Variants in HVCN1 observed in about 807,000 individuals in gnomAD.
The protein encoded by HVCN1 is voltage-gated hydrogen channel 1.
HVCN1 carries 14 observed loss-of-function variants against 29.2 expected under a neutral mutation model. The ratio of observed to expected loss-of-function variants is 0.48; its 90% CI spans 0.32 to 0.75. The LOEUF (loss-of-function observed/expected upper bound fraction) is 0.75, where lower values mean the gene tolerates loss of function less well. Among genes scored for constraint, HVCN1 ranks in the 30% least tolerant of loss-of-function variants. The probability of loss-of-function intolerance (pLI) is 0.04; values close to 1 mark genes in which losing one functional copy is unlikely to be tolerated. For synonymous variants in HVCN1, 131 were observed against 133.2 expected, an observed-to-expected ratio of 0.98 and a Z score of 0.11; for missense variants, 263 against 341.8, an observed-to-expected ratio of 0.77 and a Z score of 1.82.
At chr12:110,696,794 G>T (rs2069499795) in intron 2 of HVCN1, among the ~76,000 whole-genome samples, 2 of 152,002 alleles carry the variant, frequency 1.3e-5, no homozygotes, top group African/African-American at 4.8e-5. Context: ...CACTATATGG[G>T]TCTACCACAT....
intron 2 of HVCN1, among the ~76,000 whole-genome samples, chr12:110,696,470 C>A (rs2136507750): frequency 6.6e-6 from 1 of 152,056 alleles, no homozygotes; most frequent in East Asian, 1.9e-4. Context: ...ATCCCAATCA[C>A]TTTGGAGGCT....
chr12:110,650,695 G>GTTTT (rs63680261), intron 6 of HVCN1, among the ~76,000 whole-genome samples: 4 of 129,512 alleles, frequency 3.1e-5, no homozygotes, highest in Non-Finnish European at 4.8e-5. Flanking sequence ...CAAGAGTCCA[G>GTTTT]TTTTTTTTTT....
intron 3 of HVCN1, among the ~76,000 whole-genome samples, chr12:110,666,853 C>T (rs1381165883): frequency 6.6e-6 from 1 of 152,216 alleles, no homozygotes; most frequent in African/African-American, 2.4e-5. Context: ...ACTTTTCCTT[C>T]GAGAGCCCTC....
At chr12:110,680,429 G>T (rs775150081) in intron 3 of HVCN1, among the ~76,000 whole-genome samples, 4 of 151,806 alleles carry the variant, frequency 2.6e-5, no homozygotes, top group Non-Finnish European at 5.9e-5. Context: ...AGACTCAAAT[G>T]CATACCCCCA....
chr12:110,671,258 C>G (rs1422858465), intron 3 of HVCN1, among the ~76,000 whole-genome samples: 1 of 152,080 alleles, frequency 6.6e-6, no homozygotes, highest in Non-Finnish European at 1.5e-5. Flanking sequence ...ACTCGAGAGG[C>G]TGCAGTGAGC....
chr12:110,649,805 G>A (rs1336811564), intron 7 of HVCN1, among the ~76,000 whole-genome samples: 2 of 152,304 alleles, frequency 1.3e-5, no homozygotes, highest in East Asian at 1.9e-4. Context: ...CATGAGCAGC[G>A]CTCTGCTGCA....
At chr12:110,669,096 T>A (rs2068477954) in intron 3 of HVCN1, among the ~76,000 whole-genome samples, 1 of 151,964 alleles carries the variant, frequency 6.6e-6, no homozygotes, top group Non-Finnish European at 1.5e-5. Flanking sequence ...GGGTCATTGG[T>A]TTGCTGTGAC....
chr12:110,670,806 T>C (rs1417144890), intron 3 of HVCN1, among the ~76,000 whole-genome samples: 1 of 152,134 alleles, frequency 6.6e-6, no homozygotes. Context: ...TTATTTGGAA[T>C]GTAGGTCTTT....
chr12:110,702,505 C>G (rs1457059161), intron 1 of HVCN1: 1 of 152,014 alleles, frequency 6.6e-6, no homozygotes, highest in Non-Finnish European at 1.5e-5. Flanking sequence ...ATTTTTGAGA[C>G]AGAGTCTTGC....
chr12:110,669,092 T>A (rs1466205186), intron 3 of HVCN1, among the ~76,000 whole-genome samples: 1 of 152,032 alleles, frequency 6.6e-6, no homozygotes, highest in African/African-American at 2.4e-5. Flanking sequence ...TGCTGGGTCA[T>A]TGGTTTGCTG....
intron 2 of HVCN1, among the ~76,000 whole-genome samples, chr12:110,695,783 C>T (rs569088528): frequency 2.6e-5 from 4 of 152,266 alleles, no homozygotes; most frequent in African/African-American, 9.6e-5. Flanking sequence ...GTGGGAAGAG[C>T]TTGGCCTTAT....
intron 5 of HVCN1, among the ~76,000 whole-genome samples, chr12:110,651,779 A>G (rs912899514): frequency 6.6e-6 from 1 of 152,224 alleles, no homozygotes. Flanking sequence ...TCTGCATTGT[A>G]AGACAACAGA....
chr12:110,666,442 G>T (rs747202799), intron 3 of HVCN1, among the ~76,000 whole-genome samples: 2 of 150,742 alleles, frequency 1.3e-5, no homozygotes, highest in Non-Finnish European at 3.0e-5. Context: ...GAAAAGAAAA[G>T]AAAAGAAAAG....
upstream of HVCN1, among the ~76,000 whole-genome samples, chr12:110,690,864 C>T (rs1055423773): frequency 1.3e-5 from 2 of 152,122 alleles, no homozygotes; most frequent in Admixed American, 6.5e-5. Context: ...AAGCAATTCT[C>T]CTGCCTCAGC....
At chr12:110,674,941 A>G (rs2068698789) in intron 3 of HVCN1, among the ~76,000 whole-genome samples, 1 of 152,212 alleles carries the variant, frequency 6.6e-6, no homozygotes, top group African/African-American at 2.4e-5. Flanking sequence ...AGAAGGAACC[A>G]ATATATTCAT....
intron 3 of HVCN1, among the ~76,000 whole-genome samples, chr12:110,678,439 C>CTTTTTTTTTTTTT (rs538999674): frequency 1.5e-5 from 1 of 65,808 alleles, no homozygotes; most frequent in African/African-American, 5.9e-5. Flanking sequence ...CATTCTATTT[C>CTTTTTTTTTTTTT]TTTTTTTTTT....
At position 110,649,453 on chromosome 12, in the gene HVCN1, T is replaced by A; in HGVS notation, c.779A>T (p.Asn260Ile). ...AAGTCCATGCTGTCGCAATAGTTTG[T>A]TAAGTCTTTCAATTTCTTGTTCCTA... ...SEKEQEIERL[N>I]KLLRQHGLLG... Residue 260 changes from asparagine (N) to isoleucine (I), a missense_variant, in exon 8 of 8, where the codon AAC becomes ATC. Asn to Ile is a moderately radical substitution (Grantham distance 149). Around this residue, in one of 3 missense-constraint regions of HVCN1, gnomAD observed 51 missense variants for 51.1 expected, o/e 1.00. Coordinates refer to ENST00000242607, the MANE Select transcript of HVCN1 (RefSeq NM_032369.4). The A allele has an allele frequency of 1.2e-6, 2 of 1,607,276 alleles. No homozygotes were observed. Among genetic ancestry groups the A allele is most frequent in the Non-Finnish European group, 8.5e-7 (1 of 1,175,584 alleles).
At chr12:110,688,536 C>T (rs1343152523) in intron 2 of HVCN1, 89 bp downstream of exon 2, 1 of 152,356 alleles carries the variant, frequency 6.6e-6, no homozygotes, top group Non-Finnish European at 1.5e-5. Flanking sequence ...GGACATCCAG[C>T]ACTGCCTCTG....
intron 6 of HVCN1, 93 bp from the exon 7 acceptor site, chr12:110,650,373 G>A: frequency 1.3e-6 from 1 of 757,026 alleles, no homozygotes; most frequent in Non-Finnish European, 2.3e-6. Context: ...AGAGTTTGGA[G>A]GAGTGGTGAC....
Sources: allele counts gnomAD v4.1 joint callset (sites outside exome capture counted in the v4.1 genomes callset), GRCh38; gene constraint gnomAD v4.1.1; regional missense constraint gnomAD v4.1.1; transcripts MANE v1.5; gene names NCBI Gene and HGNC (gene_info 2026-07-23, HGNC 2026-07-21).